PNPT1: variants seen among roughly 807,000 people sequenced by gnomAD.
PNPT1 encodes the protein polyribonucleotide nucleotidyltransferase 1, mitochondrial.
Under a neutral mutation model 119.5 loss-of-function variants are expected in PNPT1, and 53 were observed. The ratio of observed to expected loss-of-function variants is 0.44; its 90% CI spans 0.36 to 0.56. The LOEUF (loss-of-function observed/expected upper bound fraction) is 0.56, where lower values mean the gene tolerates loss of function less well. PNPT1 is among the 20% of genes least tolerant of loss of function. The probability of loss-of-function intolerance (pLI) is 0.00; values close to 1 mark genes in which losing one functional copy is unlikely to be tolerated. For missense variants in PNPT1, 948 were observed against 938.5 expected (o/e 1.01, Z -0.13); for synonymous variants, 357 against 322.1 (o/e 1.11, Z -1.16).
intron 13 of PNPT1, among the ~76,000 whole-genome samples, chr2:55,665,491 A>G (rs2104102459): frequency 6.6e-6 from 1 of 152,354 alleles, no homozygotes; most frequent in Non-Finnish European, 1.5e-5. Context: ...AAAGGAATTA[A>G]TATTTAAAAC....
intron 13 of PNPT1, among the ~76,000 whole-genome samples, chr2:55,662,490 T>TA (rs1403013032): frequency 1.3e-5 from 2 of 152,010 alleles, no homozygotes; most frequent in Non-Finnish European, 2.9e-5. Flanking sequence ...GCCTGGCCGA[T>TA]ACGGTGAAAC....
chr2:55,679,747 G>C lies in PNPT1; in HGVS notation c.614C>G (p.Thr205Arg). 1 of 1,611,914 alleles carries C rather than the reference G, an allele frequency of 6.2e-7. No homozygotes were observed. The highest frequency in any genetic ancestry group is 8.5e-7 in the Non-Finnish European group (1 of 1,178,896). The change falls in exon 8 of 28, where the codon ACA becomes AGA. Residue 205 changes from threonine (T) to arginine (R), a missense_variant. Thr to Arg is a moderately conservative substitution (Grantham distance 71). Transcript: ENST00000447944. ...IIDGEYVVNPTRKEMSSSTLN... is the reference protein window; with the variant it reads ...IIDGEYVVNPRRKEMSSSTLN... ...AGTACTAGAAGACATTTCTTTTCTT[G>C]TTGGGTTAACAACATATTCTCCATC...
chr2:55,656,050 G>GT (rs1263510327), intron 17 of PNPT1, 81 bp downstream of exon 17: 1 of 1,502,858 alleles, frequency 6.7e-7, no homozygotes, highest in African/African-American at 1.4e-5. Context: ...TAAACAAAAT[G>GT]TAACATTACA....
In PNPT1 at chr2:55,637,535, AG is replaced by A. The variant is rs1302645323; in HGVS notation, c.2196+16del. 2 of 1,583,788 alleles carry A rather than the reference AG, an allele frequency of 1.3e-6. No homozygotes were observed. The highest frequency in any genetic ancestry group is 2.2e-5 in the South Asian group (2 of 90,412). Reference sequence around the variant, plus strand: ...AACAATTTACAACTTCAAGGCTAAAAGGTGGAATACAAATACCTGAATTTCT... The same window carrying A: ...AACAATTTACAACTTCAAGGCTAAAAGTGGAATACAAATACCTGAATTTCT... On this transcript the variant is annotated intron_variant, in intron 27 of 27. Transcript: ENST00000447944.
intron 15 of PNPT1, among the ~76,000 whole-genome samples, chr2:55,656,971 T>A (rs12619903): frequency 0.31 from 46,748 of 152,140 alleles, 7,328 homozygotes; most frequent in South Asian, 0.39. Context: ...TTGGTGGATA[T>A]GTTACCTTGA....
At chr2:55,656,041 A>G in intron 17 of PNPT1, 90 bp downstream of exon 17, 1 of 1,475,208 alleles carries the variant, frequency 6.8e-7, no homozygotes, top group Non-Finnish European at 9.0e-7. Flanking sequence ...CTGTAGTAAT[A>G]AACAAAATGT....
chr2:55,648,291 CCACA>C, intron 18 of PNPT1, among the ~76,000 whole-genome samples: 1 of 152,330 alleles, frequency 6.6e-6, no homozygotes, highest in East Asian at 1.9e-4. Flanking sequence ...ACACATACCA[CCACA>C]CAAAGCTCTA....
Position 55,673,888 on chromosome 2 carries a change from A to T in PNPT1, c.680-809T>A, listed in dbSNP as rs551768544. 5.5e-4 allele frequency among the ~76,000 whole-genome samples: 84 copies of T among 151,930 alleles called. No individual in the cohort carries two copies. In the Middle Eastern group the frequency reaches 0.01, roughly 19 times the overall value. The stretch of plus-strand genomic sequence containing the variant: ...CAGGCGTGAGCCACTACATCCAGCT[A>T]ATTTTTGTAGTTTTAGTAGGGACGG... On this transcript the variant is annotated intron_variant, in intron 8 of 27. Transcript: ENST00000447944.
At chr2:55,653,894 G>A (rs772200236) in intron 18 of PNPT1, among the ~76,000 whole-genome samples, 13 of 152,224 alleles carry the variant, frequency 8.5e-5, no homozygotes, top group African/African-American at 2.9e-4. Context: ...CCTCTTTAGT[G>A]TCTTTAGGTT....
At chr2:55,683,982 C>A in intron 4 of PNPT1, 148 bp from the exon 5 acceptor site, 1 of 672,266 alleles carries the variant, frequency 1.5e-6, no homozygotes, top group South Asian at 2.1e-5. Flanking sequence ...AGATAAATGT[C>A]AGTGCTTCCA....
chr2:55,682,978 G>GGTGTA (rs1697295240), intron 5 of PNPT1, among the ~76,000 whole-genome samples: 1 of 152,098 alleles, frequency 6.6e-6, no homozygotes, highest in African/African-American at 2.4e-5. Context: ...ATATTTGCAA[G>GGTGTA]GTGTATTTAT....
intron 21 of PNPT1, among the ~76,000 whole-genome samples, chr2:55,645,686 T>C (rs557048745): frequency 5.3e-5 from 8 of 152,136 alleles, no homozygotes; most frequent in Non-Finnish European, 1.0e-4. Context: ...CCCAAAAACT[T>C]AGTTGTGCTT....
chr2:55,675,625 C>T (rs542854461), intron 8 of PNPT1, among the ~76,000 whole-genome samples: 210 of 151,982 alleles, frequency 1.4e-3, no homozygotes, highest in African/African-American at 5.0e-3. Context: ...TTGAACCCCA[C>T]AGTTTGAGGC....
chr2:55,647,120 A>G (rs1696028245), intron 19 of PNPT1, among the ~76,000 whole-genome samples: 1 of 152,112 alleles, frequency 6.6e-6, no homozygotes, highest in Non-Finnish European at 1.5e-5. Context: ...GCCTATTACT[A>G]TTAATATAAT....
intron 13 of PNPT1, 103 bp downstream of exon 13, chr2:55,666,888 T>G: frequency 1.5e-6 from 1 of 689,274 alleles, no homozygotes; most frequent in South Asian, 2.2e-5. Flanking sequence ...ATAAATAATA[T>G]ACACCATATG....
rs869195974 is a variant in PNPT1, at chr2:55,691,848, TTATATATATATA to T, written c.161+1803_161+1814del. Among the ~76,000 whole-genome samples, 120 of 87,184 alleles carry T rather than the reference TTATATATATATA, an allele frequency of 1.4e-3. 2 individuals are homozygous for T. The highest frequency in any genetic ancestry group is 1.8e-3 in the Non-Finnish European group (85 of 46,088). The allele number at this position is 87,184 out of a possible 152,430, so 57.2% of individuals were successfully genotyped here. A position where few individuals can be genotyped will look rare whatever the true frequency, so the allele number is the denominator to read the frequency against. ...TATATTACTCTTCAATTAAAAATGT[TTATATATATATA>T]TATATATATATATATATATTTTTTT... is the stretch of plus-strand genomic sequence containing the variant. On this transcript the variant is annotated intron_variant, in intron 1 of 27. Coordinates refer to ENST00000447944, the MANE Select transcript of PNPT1 (RefSeq NM_033109.5).
chr2:55,681,021 GCCAAACCTCTTAATTTT>G, intron 5 of PNPT1, 103 bp from the exon 6 acceptor site: 1 of 865,160 alleles, frequency 1.2e-6, no homozygotes, highest in Non-Finnish European at 1.9e-6. Flanking sequence ...GGGCTTTGTA[GCCAAACCTCTTAATTTT>G]GGCTGTCATT....
At chr2:55,683,904 T>A in intron 4 of PNPT1, 70 bp from the exon 5 acceptor site, 1 of 1,408,042 alleles carries the variant, frequency 7.1e-7, no homozygotes, top group Non-Finnish European at 1.0e-6. Flanking sequence ...ACGTTTGAAC[T>A]AATATAGATA....
intron 18 of PNPT1, among the ~76,000 whole-genome samples, chr2:55,652,572 T>C (rs935453525): frequency 3.3e-5 from 5 of 152,180 alleles, no homozygotes; most frequent in Admixed American, 2.6e-4. Flanking sequence ...CGTCTTCAAC[T>C]TGAGATCATT....
Sources: gnomAD v4.1 joint callset for allele counts (sites outside exome capture counted in the v4.1 genomes callset) on GRCh38, gnomAD v4.1.1 for gene constraint, MANE v1.5 for transcripts, NCBI Gene and HGNC (gene_info 2026-07-23, HGNC 2026-07-21) for gene names.